Variants in DDX31 observed in about 807,000 individuals in gnomAD.
DDX31 encodes the protein ATP-dependent DNA helicase DDX31.
In DDX31, 70 loss-of-function variants were observed where a neutral mutation model predicts 91.3. The ratio of observed to expected loss-of-function variants is 0.77; its 90% CI spans 0.63 to 0.94. DDX31 has a LOEUF of 0.94. DDX31 is among the 40% of genes least tolerant of loss of function. DDX31 has a pLI of 0.00. For synonymous variants in DDX31, 362 were observed against 350.6 expected (o/e 1.03, Z -0.36); for missense variants, 902 against 925.0 (o/e 0.98, Z 0.32).
intron 6 of DDX31, among the ~76,000 whole-genome samples, chr9:132,655,303 A>G (rs1404789568): frequency 6.6e-6 from 1 of 152,224 alleles, no homozygotes; most frequent in Non-Finnish European, 1.5e-5. Context: ...GGCAGTCATC[A>G]AAAAGAACAA....
chr9:132,619,560 G>C (rs1254435692), intron 17 of DDX31, among the ~76,000 whole-genome samples: 1 of 152,200 alleles, frequency 6.6e-6, no homozygotes, highest in Admixed American at 6.5e-5. Context: ...TCATTCTCTG[G>C]ATCGACGTTC....
chr9:132,639,238 G>C (rs1404258682), intron 14 of DDX31, among the ~76,000 whole-genome samples: 2 of 152,088 alleles, frequency 1.3e-5, no homozygotes, highest in Non-Finnish European at 1.5e-5. Flanking sequence ...AGAAGAGCCA[G>C]GAACACCGAG....
chr9:132,640,292 C>A (rs1833413547), intron 14 of DDX31, among the ~76,000 whole-genome samples: 1 of 152,062 alleles, frequency 6.6e-6, no homozygotes, highest in South Asian at 2.1e-4. Flanking sequence ...TAGTCAAAAT[C>A]ATGGTAGTGT....
intron 8 of DDX31, 100 bp downstream of exon 8, chr9:132,650,975 T>C: frequency 8.1e-7 from 1 of 1,237,782 alleles, no homozygotes; most frequent in Non-Finnish European, 1.2e-6. Context: ...CAAAAGGAAA[T>C]AATTCTTATC....
intron 18 of DDX31, among the ~76,000 whole-genome samples, chr9:132,617,875 C>T (rs945065523): frequency 2.6e-5 from 4 of 152,246 alleles, no homozygotes; most frequent in Admixed American, 1.3e-4. Context: ...TGGTCTATGG[C>T]TCTTCCTCAG....
intron 19 of DDX31, among the ~76,000 whole-genome samples, chr9:132,610,862 C>T (rs988301472): frequency 6.6e-6 from 1 of 152,190 alleles, no homozygotes; most frequent in African/African-American, 2.4e-5. Flanking sequence ...GGGAAGGCCC[C>T]AAACTCACAT....
At chr9:132,629,366 G>A (rs1173176401) in intron 16 of DDX31, among the ~76,000 whole-genome samples, 1 of 152,226 alleles carries the variant, frequency 6.6e-6, no homozygotes, top group Non-Finnish European at 1.5e-5. Flanking sequence ...TTCTGAATGA[G>A]CCTCAGTCCG....
intron 19 of DDX31, among the ~76,000 whole-genome samples, chr9:132,608,655 G>A (rs959037150): frequency 5.3e-5 from 8 of 152,206 alleles, no homozygotes; most frequent in Non-Finnish European, 1.0e-4. Context: ...AGTAAACACC[G>A]TAAAATGGAA....
In DDX31 at chr9:132,594,661, G is replaced by T; in HGVS notation, c.*205C>A. The T allele has an allele frequency of 2.6e-6, 2 of 779,728 alleles. No individual in the cohort carries two copies. Among genetic ancestry groups the T allele is most frequent in the East Asian group, 2.8e-5 (1 of 36,362 alleles). The allele number at this position is 779,728 out of a possible 1,614,324, so 48.3% of individuals were successfully genotyped here. ...GACCCCTTCCGTCGGGAGCTGGCTA[G>T]TCTCTACAGTGCCCCACACCACTGA... On this transcript the variant is annotated 3_prime_UTR_variant, in exon 20 of 20. Transcript: ENST00000372159.
intron 18 of DDX31, 21 bp from the exon 19 acceptor site, chr9:132,612,276 G>A (rs1831390847): frequency 6.2e-7 from 1 of 1,613,818 alleles, no homozygotes; most frequent in African/African-American, 1.3e-5. Context: ...AGAGAGCGGG[G>A]AGGGAAGCTG....
At chr9:132,606,046 A>C (rs1207045819) in intron 19 of DDX31, among the ~76,000 whole-genome samples, 1 of 152,148 alleles carries the variant, frequency 6.6e-6, no homozygotes, top group African/African-American at 2.4e-5. Flanking sequence ...AGATTTAAGG[A>C]GGCCGGAGGG....
chr9:132,611,973 G>A (rs548076766), intron 19 of DDX31, 114 bp downstream of exon 19: 5 of 1,384,094 alleles, frequency 3.6e-6, no homozygotes, highest in Non-Finnish European at 4.9e-6. Flanking sequence ...TGTTTATTGG[G>A]AGAAGGGCAG....
Position 132,659,764 on chromosome 9 carries a change from T to C in DDX31, c.469A>G (p.Ile157Val), listed in dbSNP as rs1471904213. ...SSMTSVQKQS[I>V]PVLLEGRDAL... is the part of the protein sequence containing the mutation. Reference sequence around the variant, plus strand: ...TCTCTGCCTTCCAGCAACACAGGAATACTTTGCTTCTGAACACTGGGCCAC... The same window carrying C: ...TCTCTGCCTTCCAGCAACACAGGAACACTTTGCTTCTGAACACTGGGCCAC... Residue 157 changes from isoleucine (I) to valine (V), a missense_variant, in exon 5 of 20, where the codon ATT (isoleucine) becomes GTT (valine). By Grantham distance (29) the Ile-to-Val change is conservative (BLOSUM62 3). Transcript: ENST00000372159. 1 of 1,613,276 alleles carries C rather than the reference T, an allele frequency of 6.2e-7. No homozygotes were observed. Among genetic ancestry groups the C allele is most frequent in the Non-Finnish European group, 8.5e-7 (1 of 1,179,630 alleles).
chr9:132,668,670 C>A (rs185583888), intron 1 of DDX31, among the ~76,000 whole-genome samples: 3 of 151,988 alleles, frequency 2.0e-5, no homozygotes, highest in African/African-American at 7.2e-5. Flanking sequence ...TGGGTTCACG[C>A]CATTCTCCTG....
At chr9:132,656,493 C>T (rs1349233790) in intron 6 of DDX31, among the ~76,000 whole-genome samples, 4 of 152,202 alleles carry the variant, frequency 2.6e-5, no homozygotes, top group Non-Finnish European at 5.9e-5. Context: ...CACTGCCCGT[C>T]GGGTCTCAAC....
chr9:132,625,544 T>C, intron 17 of DDX31, 120 bp downstream of exon 17: 1 of 772,746 alleles, frequency 1.3e-6, no homozygotes, highest in Non-Finnish European at 2.2e-6. Context: ...CTAATGTTCA[T>C]GGTTCTTAAA....
At chr9:132,650,170 C>T in intron 9 of DDX31, 64 bp downstream of exon 9, 1 of 1,515,556 alleles carries the variant, frequency 6.6e-7, no homozygotes, top group Non-Finnish European at 9.2e-7. Context: ...AGGACCCAGC[C>T]TTACTGAATA....
chr9:132,639,616 G>A (rs528713491), intron 14 of DDX31, among the ~76,000 whole-genome samples: 13 of 152,314 alleles, frequency 8.5e-5, no homozygotes, highest in Middle Eastern at 6.8e-3. Context: ...CTTTTGACCT[G>A]AGAATTATAT....
chr9:132,666,664 G>A (rs1444162531), intron 1 of DDX31, among the ~76,000 whole-genome samples: 1 of 151,918 alleles, frequency 6.6e-6, no homozygotes, highest in Admixed American at 6.6e-5. Flanking sequence ...TGGGATCACA[G>A]GCACCCACCA....
Sources: allele counts gnomAD v4.1 joint callset (sites outside exome capture counted in the v4.1 genomes callset), GRCh38; gene constraint gnomAD v4.1.1; transcripts MANE v1.5; gene names NCBI Gene and HGNC (gene_info 2026-07-23, HGNC 2026-07-21).